CTU1: variants seen among roughly 807,000 people sequenced by gnomAD.
The protein encoded by CTU1 is cytosolic thiouridylase subunit 1.
CTU1 carries 15 observed loss-of-function variants against 12.9 expected under a neutral mutation model. That is an observed-to-expected ratio of 1.16 (90% CI 0.78 to 1.79). The LOEUF (loss-of-function observed/expected upper bound fraction) is 1.79. Ranked by LOEUF, CTU1 falls within the 40% of genes most tolerant of loss-of-function variation. The probability of loss-of-function intolerance (pLI) is 0.00; values close to 1 mark genes in which losing one functional copy is unlikely to be tolerated. For missense variants in CTU1, 553 were observed against 550.5 expected (o/e 1.00, Z -0.05); for synonymous variants, 295 against 275.6 (o/e 1.07, Z -0.70).
intron 2 of CTU1, 54 bp from the exon 3 acceptor site, chr19:51,099,193 C>T: frequency 6.7e-7 from 1 of 1,483,212 alleles, no homozygotes; most frequent in Non-Finnish European, 9.0e-7. Flanking sequence ...CGCTGCTGGC[C>T]AGGGAGCCCC....
Position 51,104,402 on chromosome 19 carries a change from C to A in CTU1, c.168G>T (p.Val56=). 1.6e-6 allele frequency: 2 copies of A among 1,257,570 alleles called. No individual in the cohort carries two copies. Among genetic ancestry groups the A allele is most frequent in the South Asian group, 2.0e-5 (1 of 49,318 alleles). 77.9% of individuals were successfully genotyped at this position (1,257,570 alleles called of 1,614,324 possible). Residue 56 remains valine (V), a synonymous_variant, in exon 2 of 3, where the codon GTG becomes GTT. Coordinates refer to ENST00000421832, the MANE Select transcript of CTU1 (RefSeq NM_145232.4). The part of the protein sequence containing the change: ...RLLPPGAVVA[V]GASGGKDSTV... The stretch of plus-strand genomic sequence containing the variant: ...TGGAGTCCTTGCCGCCCGAGGCGCC[C>A]ACGGCCACCACCGCGCCGGGCGGCA...
chr19:51,104,537 A>G lies in CTU1; in HGVS notation c.33T>C (p.Ala11=). The G allele has an allele frequency of 7.9e-7, 1 of 1,265,506 alleles. No individual in the cohort carries two copies. Among genetic ancestry groups the G allele is most frequent in the Non-Finnish European group, 9.9e-7 (1 of 1,006,474 alleles). The allele number at this position is 1,265,506 out of a possible 1,614,324, so 78.4% of individuals were successfully genotyped here. Residue 11 remains alanine, a synonymous_variant, in exon 2 of 3, where the codon GCT becomes GCC. Coordinates refer to ENST00000421832, the MANE Select transcript of CTU1 (RefSeq NM_145232.4). MPAPPCASCH[A]ARAALRRPLS... Reference sequence around the variant, plus strand: ...GCGGACGGCGGAGGGCGGCGCGTGCAGCATGGCAGGAGGCGCACGGCGGGG... The same window carrying G: ...GCGGACGGCGGAGGGCGGCGCGTGCGGCATGGCAGGAGGCGCACGGCGGGG...
In CTU1 at chr19:51,104,294, A is replaced by C. The variant is rs1315388919; in HGVS notation, c.276T>G (p.Gly92=). Residue 92 remains glycine (G), a synonymous_variant, in exon 2 of 3, where the codon GGT becomes GGG. Coordinates refer to ENST00000421832, the MANE Select transcript of CTU1 (RefSeq NM_145232.4). ...LQLVAVDEGI[G]GYRDAALAAV... ...CCGCCAACGCCGCGTCCCGGTAGCC[A>C]CCGATGCCCTCATCGACGGCCACGA... The C allele has an allele frequency of 1.3e-6, 2 of 1,497,064 alleles. No individual in the cohort carries two copies. Among genetic ancestry groups the C allele is most frequent in the South Asian group, 1.2e-5 (1 of 82,056 alleles). 92.7% of individuals were successfully genotyped at this position (1,497,064 alleles called of 1,614,324 possible). A position where few individuals can be genotyped will look rare whatever the true frequency, so the allele number is the denominator to read the frequency against.
At chr19:51,106,797 C>T (rs993929627) in intron 1 of CTU1, among the ~76,000 whole-genome samples, 9 of 151,948 alleles carry the variant, frequency 5.9e-5, no homozygotes, top group African/African-American at 1.7e-4. Flanking sequence ...GGATTACAGG[C>T]GTAAGCCACT....
chr19:51,104,409 A>G lies in CTU1; in HGVS notation c.161T>C (p.Val54Ala). 8.2e-7 allele frequency: 1 copy of G among 1,225,786 alleles called. No homozygotes were observed. The highest frequency in any genetic ancestry group is 1.0e-6 in the Non-Finnish European group (1 of 981,636). 75.9% of individuals were successfully genotyped at this position (1,225,786 alleles called of 1,614,324 possible). A position where few individuals can be genotyped will look rare whatever the true frequency, so the allele number is the denominator to read the frequency against. Reference protein sequence around the residue: ...AGRLLPPGAVVAVGASGGKDS... With the variant: ...AGRLLPPGAVAAVGASGGKDS... ...CTTGCCGCCCGAGGCGCCCACGGCC[A>G]CCACCGCGCCGGGCGGCAGCAGGCG... Residue 54 changes from valine to alanine, a missense_variant, in exon 2 of 3, where the codon GTG becomes GCG. Coordinates refer to ENST00000421832, the MANE Select transcript of CTU1 (RefSeq NM_145232.4).
At position 51,098,665 on chromosome 19, in the gene CTU1, GCCTCCT is replaced by G. The variant is rs2091897837; in HGVS notation, c.977_982del (p.Glu326_Glu327del). On this transcript the variant is annotated inframe_deletion, in exon 3 of 3. Coordinates refer to ENST00000421832, the MANE Select transcript of CTU1 (RefSeq NM_145232.4). This position sits in a 1 kb window ranked among gnomAD's most constrained non-coding sequence, Gnocchi z 4.3. ...CGGATCCCCGGGCGTCCCCGGCGTC[GCCTCCT>G]CGTCCAGACCCCGGCGGCCCTTGCC... The G allele has an allele frequency of 7.6e-7, 1 of 1,307,636 alleles. No homozygotes were observed. Among genetic ancestry groups the G allele is most frequent in the Non-Finnish European group, 9.7e-7 (1 of 1,027,408 alleles). The allele number at this position is 1,307,636 out of a possible 1,614,324, so 81.0% of individuals were successfully genotyped here.
chr19:51,104,193 G>T lies in CTU1; in HGVS notation c.377C>A (p.Thr126Lys). Reference sequence around the variant, plus strand: ...TGTGCTGCGGGCCACGGCGTCCATCGTCCAGCCCCCAAAGAGGTCTTCGTA... The same window carrying T: ...TGTGCTGCGGGCCACGGCGTCCATCTTCCAGCCCCCAAAGAGGTCTTCGTA... ...VAYEDLFGGW[T>K]MDAVARSTAG... The change falls in exon 2 of 3, where the codon ACG (threonine) becomes AAG (lysine). Residue 126 changes from threonine to lysine, a missense_variant. Transcript: ENST00000421832. 1 of 1,522,650 alleles carries T rather than the reference G, an allele frequency of 6.6e-7. No individual in the cohort carries two copies. The allele number at this position is 1,522,650 out of a possible 1,614,324, so 94.3% of individuals were successfully genotyped here.
intron 2 of CTU1, among the ~76,000 whole-genome samples, chr19:51,101,242 T>G (rs539368900): frequency 1.3e-5 from 2 of 152,192 alleles, no homozygotes; most frequent in Admixed American, 6.5e-5. Flanking sequence ...TCACCACCCC[T>G]GTAATCACTG....
At chr19:51,100,611 AG>A (rs2091905119) in intron 2 of CTU1, among the ~76,000 whole-genome samples, 1 of 152,114 alleles carries the variant, frequency 6.6e-6, no homozygotes, top group Non-Finnish European at 1.5e-5. Flanking sequence ...AAGAAAAAAA[AG>A]AAAAGAAAAT....
intron 2 of CTU1, among the ~76,000 whole-genome samples, chr19:51,099,623 A>T (rs2091902565): frequency 6.6e-6 from 1 of 152,188 alleles, no homozygotes; most frequent in Non-Finnish European, 1.5e-5. Flanking sequence ...TCATATAGGG[A>T]GTAAAAGTGC....
chr19:51,103,259 T>G (rs1207424185), intron 2 of CTU1, among the ~76,000 whole-genome samples: 1 of 152,142 alleles, frequency 6.6e-6, no homozygotes, highest in Non-Finnish European at 1.5e-5. Context: ...ACAGTTGGGA[T>G]CCGGCATATA....
chr19:51,106,142 C>A (rs761994402), intron 1 of CTU1, among the ~76,000 whole-genome samples: 1 of 152,184 alleles, frequency 6.6e-6, no homozygotes, highest in Admixed American at 6.5e-5. Context: ...TGCTAATGGC[C>A]GATGAGGCCC....
Position 51,098,481 on chromosome 19 carries a change from C to T in CTU1, c.*120G>A, listed in dbSNP as rs1203102653. On this transcript the variant is annotated 3_prime_UTR_variant, in exon 3 of 3. Coordinates refer to ENST00000421832, the MANE Select transcript of CTU1 (RefSeq NM_145232.4). The surrounding 1 kb of genome is among the most constrained non-coding windows in gnomAD (Gnocchi z 4.3). ...TTCTTCAGGGTTTCAGGTGAATGGG[C>T]CCCCGTCTCCTTCCCAACCCCACAT... is the stretch of plus-strand genomic sequence containing the variant. 49 of 980,610 alleles carry T rather than the reference C, an allele frequency of 5.0e-5. No homozygotes were observed. Among genetic ancestry groups the T allele is most frequent in the Non-Finnish European group, 6.2e-5 (48 of 769,924 alleles). The allele number at this position is 980,610 out of a possible 1,614,324, so 60.7% of individuals were successfully genotyped here.
intron 1 of CTU1, among the ~76,000 whole-genome samples, chr19:51,106,597 C>T (rs1398795797): frequency 3.9e-5 from 6 of 152,164 alleles, no homozygotes; most frequent in African/African-American, 2.4e-5. Flanking sequence ...CCTCTGCCTC[C>T]CAGGGTCAAG....
At position 51,104,351 on chromosome 19, in the gene CTU1, C is replaced by G; in HGVS notation, c.219G>C (p.Ala73=). The change falls in exon 2 of 3, where the codon GCG becomes GCC. Residue 73 remains alanine (A), a synonymous_variant. Transcript: ENST00000421832. ...DSTVLAHVLR[A]LAPRLGISLQ... Reference sequence around the variant, plus strand: ...GTGAGATGCCCAGGCGCGGCGCCAGCGCGCGCAGCACGTGCGCCAGCACCG... The same window carrying G: ...GTGAGATGCCCAGGCGCGGCGCCAGGGCGCGCAGCACGTGCGCCAGCACCG... 1 of 1,450,608 alleles carries G rather than the reference C, an allele frequency of 6.9e-7. No individual in the cohort carries two copies. Among genetic ancestry groups the G allele is most frequent in the Non-Finnish European group, 9.0e-7 (1 of 1,106,448 alleles). 89.9% of individuals were successfully genotyped at this position (1,450,608 alleles called of 1,614,324 possible).
intron 2 of CTU1, among the ~76,000 whole-genome samples, chr19:51,102,023 A>C (rs1002078245): frequency 2.0e-5 from 3 of 151,936 alleles, no homozygotes; most frequent in African/African-American, 7.3e-5. Context: ...TTTCTCCCCC[A>C]GCTGGAATCT....
intron 1 of CTU1, among the ~76,000 whole-genome samples, chr19:51,106,347 AGGTGAGCAGCAACTCTT>A (rs979229824): frequency 4.6e-5 from 7 of 152,178 alleles, no homozygotes; most frequent in African/African-American, 1.7e-4. Flanking sequence ...CATCTGTCAC[AGGTGAGCAGCAACTCTT>A]GGAATCTTTC....
intron 2 of CTU1, among the ~76,000 whole-genome samples, chr19:51,103,179 C>A (rs1376744883): frequency 2.0e-5 from 3 of 152,048 alleles, no homozygotes; most frequent in African/African-American, 7.3e-5. Flanking sequence ...GAGCTGGGTA[C>A]CATTCATAGT....
At chr19:51,099,725 A>G (rs1480820032) in intron 2 of CTU1, among the ~76,000 whole-genome samples, 1 of 152,202 alleles carries the variant, frequency 6.6e-6, no homozygotes, top group African/African-American at 2.4e-5. Context: ...TTTAACCGAG[A>G]TTCTCAGGAG....
Sources: allele counts gnomAD v4.1 joint callset (sites outside exome capture counted in the v4.1 genomes callset), GRCh38; gene constraint gnomAD v4.1.1; non-coding constraint Gnocchi (gnomAD v3.1); transcripts MANE v1.5; gene names NCBI Gene and HGNC (gene_info 2026-07-23, HGNC 2026-07-21).